The following ZNF723 variants were observed in gnomAD, a reference collection of about 807,000 sequenced individuals.
The protein encoded by ZNF723 is zinc finger protein 723, pseudogene.
Under a neutral mutation model 9.4 loss-of-function variants are expected in ZNF723, and 5 were observed. The ratio of observed to expected loss-of-function variants is 0.53; its 90% CI spans 0.28 to 1.12. The LOEUF (loss-of-function observed/expected upper bound fraction) is 1.12, where lower values mean the gene tolerates loss of function less well. Ranked by LOEUF, ZNF723 falls within the 50% of genes most tolerant of loss-of-function variation. The pLI, the probability that ZNF723 is intolerant of heterozygous loss-of-function variation, is 0.10. For synonymous variants in ZNF723, 158 were observed against 168.8 expected (o/e 0.94, Z 0.49); for missense variants, 450 against 501.5 (o/e 0.90, Z 0.98).
At chr19:22,845,109 A>G (rs1834665770) in intron 1 of ZNF723, among the ~76,000 whole-genome samples, 2 of 152,084 alleles carry the variant, frequency 1.3e-5, no homozygotes, top group Non-Finnish European at 2.9e-5. Context: ...ACAGAGCGAG[A>G]CTCTGTCTCA....
At chr19:22,814,126 A>T in the ZNF723 span, among the ~76,000 whole-genome samples, 1 of 152,162 alleles carries the variant, frequency 6.6e-6, no homozygotes, top group African/African-American at 2.4e-5. Context: ...AAACATTTTT[A>T]AATGAAGCTC....
chr19:22,851,435 G>T (rs565114212), intron 3 of ZNF723, among the ~76,000 whole-genome samples: 2 of 152,090 alleles, frequency 1.3e-5, no homozygotes, highest in Non-Finnish European at 2.9e-5. Context: ...ACCTCCTAAA[G>T]TGCTGGGATT....
the ZNF723 span, among the ~76,000 whole-genome samples, chr19:22,820,085 T>A: frequency 6.6e-6 from 1 of 152,146 alleles, no homozygotes; most frequent in Non-Finnish European, 1.5e-5. Flanking sequence ...TCCTATTTTA[T>A]CCAGCCCCCA....
intron 1 of ZNF723, among the ~76,000 whole-genome samples, chr19:22,844,776 T>G (rs115132302): frequency 0.01 from 1,574 of 152,288 alleles, 29 homozygotes; most frequent in African/African-American, 0.036. Flanking sequence ...TCTCTAATGC[T>G]AATAATGAGC....
In ZNF723 at chr19:22,857,263, G is replaced by C; in HGVS notation, c.372G>C (p.Lys124Asn). ...GCTGTGAAAGTGTGGATGAGTGTAA[G>C]ATGCACAAAGGAGGTTATGATGAAC... is the stretch of plus-strand genomic sequence containing the variant. ...RKGCESVDECKMHKGGYDELK... is the reference protein window; with the variant it reads ...RKGCESVDECNMHKGGYDELK... The change falls in exon 4 of 4, where the codon AAG becomes AAC. Residue 124 changes from lysine (K) to asparagine (N), a missense_variant. Lys to Asn is a moderately conservative substitution (Grantham distance 94). This residue lies in a region of ZNF723 where 143 missense variants were observed against 101.3 expected (regional missense o/e 1.41). Transcript: ENST00000600766. 1 of 823,852 alleles carries C rather than the reference G, an allele frequency of 1.2e-6. No homozygotes were observed. The highest frequency in any genetic ancestry group is 1.4e-5 in the South Asian group (1 of 72,988). 51.0% of individuals were successfully genotyped at this position (823,852 alleles called of 1,614,324 possible).
chr19:22,832,391 AC>A lies in ZNF723; in HGVS notation c.3+11del. The A allele has an allele frequency of 7.3e-7, 1 of 1,378,828 alleles. No homozygotes were observed. The highest frequency in any genetic ancestry group is 1.0e-6 in the Non-Finnish European group (1 of 983,672). The allele number at this position is 1,378,828 out of a possible 1,614,324, so 85.4% of individuals were successfully genotyped here. A position where few individuals can be genotyped will look rare whatever the true frequency, so the allele number is the denominator to read the frequency against. On this transcript the variant is annotated intron_variant, in intron 1 of 3. Coordinates refer to ENST00000600766, the MANE Select transcript of ZNF723 (RefSeq NM_001349726.2). ...CTGGAAGCCTAGAAATGGTGAGAGT[AC>A]CGGGTCCGACATCCCGAGAGAGGGG... is the stretch of plus-strand genomic sequence containing the variant.
chr19:22,852,821 T>A (rs774107010), intron 3 of ZNF723, among the ~76,000 whole-genome samples: 1 of 152,138 alleles, frequency 6.6e-6, no homozygotes, highest in Non-Finnish European at 1.5e-5. Context: ...GTTTTTTTCA[T>A]TTCTTGGTGC....
intron 1 of ZNF723, chr19:22,840,974 T>G (rs1967237117): frequency 1.3e-5 from 2 of 152,342 alleles, no homozygotes; most frequent in South Asian, 4.1e-4. Context: ...GGGGTTCATG[T>G]AAGATGTGAG....
intron 1 of ZNF723, chr19:22,840,920 G>A (rs952708228): frequency 1.3e-5 from 2 of 152,554 alleles, no homozygotes; most frequent in African/African-American, 4.8e-5. Context: ...CTGCAGCTCA[G>A]GCTTCATTGT....
intron 1 of ZNF723, among the ~76,000 whole-genome samples, chr19:22,834,634 A>G (rs401589): frequency 0.37 from 55,923 of 151,914 alleles, 10,919 homozygotes; most frequent in African/African-American, 0.52. Context: ...CCAGGGAGGA[A>G]GTTGATGCCC....
At chr19:22,838,551 C>CAA (rs200894782) in intron 1 of ZNF723, among the ~76,000 whole-genome samples, 63 of 145,584 alleles carry the variant, frequency 4.3e-4, no homozygotes, top group Middle Eastern at 3.6e-3. Context: ...GACTCTGTCT[C>CAA]AAAAAGAAAA....
Position 22,853,301 on chromosome 19 carries a change from C to T in ZNF723, c.227-3817C>T, listed in dbSNP as rs545309313. Among the ~76,000 whole-genome samples the T allele has an allele frequency of 2.0e-3, 297 of 151,898 alleles. 1 individual carries two copies. The highest frequency in any genetic ancestry group is 2.9e-3 in the Non-Finnish European group (198 of 67,930). ...TGAAGATTGTTGAGTATTTTATTTTCTCTTGAGATTCCATATACTTTTGCT... is the reference window on the plus strand; with the variant it reads ...TGAAGATTGTTGAGTATTTTATTTTTTCTTGAGATTCCATATACTTTTGCT... On this transcript the variant is annotated intron_variant, in intron 3 of 3. Coordinates refer to ENST00000600766, the MANE Select transcript of ZNF723 (RefSeq NM_001349726.2).
At chr19:22,813,930 G>A in the ZNF723 span, among the ~76,000 whole-genome samples, 1 of 151,390 alleles carries the variant, frequency 6.6e-6, no homozygotes, top group Non-Finnish European at 1.5e-5. Flanking sequence ...TCCTACCTCA[G>A]CCACCCGAGT....
chr19:22,848,272 A>G lies in ZNF723; in HGVS notation c.15A>G (p.Thr5=). MGPL[T]FTDVAIKFSL... ...TGTTTTTTTTTCAGGGACCATTGAC[A>G]TTCACAGATGTGGCAATAAAATTTT... Residue 5 remains threonine, a synonymous_variant, in exon 2 of 4, where the codon ACA becomes ACG. Coordinates refer to ENST00000600766, the MANE Select transcript of ZNF723 (RefSeq NM_001349726.2). The G allele has an allele frequency of 8.6e-7, 1 of 1,159,952 alleles. No homozygotes were observed. Among genetic ancestry groups the G allele is most frequent in the South Asian group, 1.3e-5 (1 of 74,234 alleles). 71.9% of individuals were successfully genotyped at this position (1,159,952 alleles called of 1,614,324 possible).
At chr19:22,829,978 G>A (rs560682115), upstream of ZNF723, among the ~76,000 whole-genome samples, 1 of 152,166 alleles carries the variant, frequency 6.6e-6, no homozygotes, top group African/African-American at 2.4e-5. Context: ...TGGATCCACA[G>A]GGTATCTGAT....
At chr19:22,835,482 A>G (rs1457700726) in intron 1 of ZNF723, among the ~76,000 whole-genome samples, 1 of 152,136 alleles carries the variant, frequency 6.6e-6, no homozygotes, top group Non-Finnish European at 1.5e-5. Context: ...GAGTTTCAAA[A>G]TATATTCCAT....
At position 22,832,326 on chromosome 19, in the gene ZNF723, A is replaced by G. The variant is rs757574209; in HGVS notation, c.-54A>G. 70 of 1,364,080 alleles carry G rather than the reference A, an allele frequency of 5.1e-5. No homozygotes were observed. The Middle Eastern group carries it at 9.5e-4, about 18-fold the overall frequency. The allele number at this position is 1,364,080 out of a possible 1,614,324, so 84.5% of individuals were successfully genotyped here. ...CCTGGTCTCTGTGGCCTCCTGACCTACATGCATTGGGAGATCCACAGCTAA... is the reference window on the plus strand; with the variant it reads ...CCTGGTCTCTGTGGCCTCCTGACCTGCATGCATTGGGAGATCCACAGCTAA... On this transcript the variant is annotated 5_prime_UTR_variant, in exon 1 of 4. Transcript: ENST00000600766.
At chr19:22,822,154 A>C in the ZNF723 span, among the ~76,000 whole-genome samples, 2 of 152,230 alleles carry the variant, frequency 1.3e-5, no homozygotes, top group Non-Finnish European at 2.9e-5. Context: ...TGTGCTACAG[A>C]GAATGTAATA....
rs1967497402 is a variant in ZNF723 at position 22,857,551 on chromosome 19, G to C, written c.660G>C (p.Lys220Asn). 1 of 1,332,016 alleles carries C rather than the reference G, an allele frequency of 7.5e-7. No homozygotes were observed. Among genetic ancestry groups the C allele is most frequent in the Admixed American group, 1.7e-5 (1 of 59,534 alleles). The allele number at this position is 1,332,016 out of a possible 1,614,324, so 82.5% of individuals were successfully genotyped here. The change falls in exon 4 of 4, where the codon AAG (lysine) becomes AAC (asparagine). Residue 220 changes from lysine (K) to asparagine (N), a missense_variant. By Grantham distance (94) the Lys-to-Asn change is moderately conservative. Transcript: ENST00000600766. ...FSVPSKLNNH[K>N]RIHTGEKPYK... Reference sequence around the variant, plus strand: ...TGCCCTCAAAGCTTAATAATCATAAGAGAATTCATACTGGAGAGAAACCCT... The same window carrying C: ...TGCCCTCAAAGCTTAATAATCATAACAGAATTCATACTGGAGAGAAACCCT...
Sources: gnomAD v4.1 joint callset for allele counts (sites outside exome capture counted in the v4.1 genomes callset) on GRCh38, gnomAD v4.1.1 for gene constraint, gnomAD v4.1.1 regional missense constraint, MANE v1.5 for transcripts, NCBI Gene and HGNC (gene_info 2026-07-23, HGNC 2026-07-21) for gene names.